IMMP2L: variants seen among roughly 807,000 people sequenced by gnomAD.
The protein encoded by IMMP2L is inner mitochondrial membrane peptidase subunit 2, also known as mitochondrial inner membrane protease subunit 2.
Under a neutral mutation model 19.3 loss-of-function variants are expected in IMMP2L, and 18 were observed. That is an observed-to-expected ratio of 0.93 (90% CI 0.64 to 1.38). The LOEUF (loss-of-function observed/expected upper bound fraction) is 1.38. IMMP2L is among the 40% of genes most tolerant of loss of function. The probability of loss-of-function intolerance (pLI) is 0.00; values close to 1 mark genes in which losing one functional copy is unlikely to be tolerated. For missense variants in IMMP2L, 233 were observed against 218.2 expected, an observed-to-expected ratio of 1.07 and a Z score of -0.43; for synonymous variants, 76 against 73.0, an observed-to-expected ratio of 1.04 and a Z score of -0.21.
At chr7:111,492,316 A>C in intron 2 of IMMP2L, 23 of 783,778 alleles carry the variant, frequency 2.9e-5, no homozygotes, top group South Asian at 5.8e-5. Context: ...CCCCAAATAT[A>C]CTTCCCCTCC....
intron 5 of IMMP2L, among the ~76,000 whole-genome samples, chr7:110,783,017 T>A (rs577765924): frequency 6.6e-6 from 1 of 151,998 alleles, no homozygotes; most frequent in East Asian, 1.9e-4. Context: ...ATTATTATGA[T>A]TTTTCCTGAA....
At chr7:110,949,498 T>C (rs1253012167) in intron 4 of IMMP2L, among the ~76,000 whole-genome samples, 2 of 152,174 alleles carry the variant, frequency 1.3e-5, no homozygotes, top group Non-Finnish European at 2.9e-5. Flanking sequence ...GAAATGAAAG[T>C]AGATAATATA....
At chr7:111,529,109 C>G (rs113202266) in intron 1 of IMMP2L, among the ~76,000 whole-genome samples, 9 of 152,274 alleles carry the variant, frequency 5.9e-5, no homozygotes, top group Admixed American at 2.0e-4. Flanking sequence ...TGTTAAGACA[C>G]CAGATTGACC....
intron 1 of IMMP2L, among the ~76,000 whole-genome samples, chr7:111,523,140 T>C (rs1046521492): frequency 6.6e-5 from 10 of 151,152 alleles, no homozygotes; most frequent in African/African-American, 2.2e-4. Flanking sequence ...GGAGGAGAGG[T>C]TGGGGAGATG....
chr7:111,048,032 G>A (rs1792583006), intron 3 of IMMP2L, among the ~76,000 whole-genome samples: 1 of 151,862 alleles, frequency 6.6e-6, no homozygotes, highest in Non-Finnish European at 1.5e-5. Flanking sequence ...AAGGTCAGAA[G>A]ATTGAGACCA....
Position 111,203,540 on chromosome 7 carries a change from T to C in IMMP2L, c.240-239975A>G, listed in dbSNP as rs74866197. ...AAATAATGTTTGGGAAAGAGTAGCC[T>C]AGGGTAATATTACATTATTATACTG... On this transcript the variant is annotated intron_variant, in intron 3 of 5. Coordinates refer to ENST00000405709, the MANE Select transcript of IMMP2L (RefSeq NM_032549.4). Among the ~76,000 whole-genome samples, 97 of 149,576 alleles carry C rather than the reference T, an allele frequency of 6.5e-4. No individual in the cohort carries two copies. The East Asian group carries it at 0.019, about 29-fold the overall frequency.
intron 4 of IMMP2L, among the ~76,000 whole-genome samples, chr7:110,952,823 T>C (rs1018893333): frequency 2.6e-5 from 4 of 152,144 alleles, no homozygotes; most frequent in South Asian, 2.1e-4. Context: ...ATTTTAGATA[T>C]AGTGAGTTTA....
chr7:110,873,538 C>G (rs12705739), intron 5 of IMMP2L, among the ~76,000 whole-genome samples: 6 of 145,386 alleles, frequency 4.1e-5, no homozygotes, highest in Admixed American at 6.8e-5. Flanking sequence ...CTGAGGCGGG[C>G]GGATTACCTG....
In IMMP2L at chr7:111,458,746, G is replaced by A. The variant is rs145750113; in HGVS notation, c.239+28492C>T. ...CTTCACAGCTCATCTGCTTCCACAA[G>A]ATCAACTAACATTTCCATACTGATG... On this transcript the variant is annotated intron_variant, in intron 3 of 5. Coordinates refer to ENST00000405709, the MANE Select transcript of IMMP2L (RefSeq NM_032549.4). 4.7e-3 allele frequency among the ~76,000 whole-genome samples: 718 copies of A among 152,144 alleles called. 5 individuals carry two copies. Among genetic ancestry groups the A allele is most frequent in the African/African-American group, 0.016 (684 of 41,502 alleles).
chr7:111,089,526 A>C (rs1320058160), intron 3 of IMMP2L, among the ~76,000 whole-genome samples: 4 of 152,130 alleles, frequency 2.6e-5, no homozygotes. Context: ...CTAGATTAAA[A>C]TTAAGGGGTA....
intron 3 of IMMP2L, among the ~76,000 whole-genome samples, chr7:111,479,689 C>T (rs1435660568): frequency 1.3e-5 from 2 of 151,948 alleles, no homozygotes; most frequent in African/African-American, 4.8e-5. Flanking sequence ...TTTGCAAATG[C>T]CGTCTTGTAC....
intron 3 of IMMP2L, among the ~76,000 whole-genome samples, chr7:111,241,711 T>C (rs1001157125): frequency 6.6e-6 from 1 of 150,974 alleles, no homozygotes; most frequent in Non-Finnish European, 1.5e-5. Flanking sequence ...ATATATATAT[T>C]ATATAAGTAT....
chr7:111,329,393 CCT>C (rs1254114881), intron 3 of IMMP2L, among the ~76,000 whole-genome samples: 1 of 151,894 alleles, frequency 6.6e-6, no homozygotes, highest in East Asian at 1.9e-4. Flanking sequence ...GACCTACCTA[CCT>C]CTCTCATGTG....
At chr7:111,354,154 A>G (rs1196811944) in intron 3 of IMMP2L, among the ~76,000 whole-genome samples, 1 of 152,112 alleles carries the variant, frequency 6.6e-6, no homozygotes, top group Non-Finnish European at 1.5e-5. Flanking sequence ...AACCTTATTT[A>G]TAAATATAGG....
intron 3 of IMMP2L, among the ~76,000 whole-genome samples, chr7:111,371,989 T>C (rs749096046): frequency 3.9e-5 from 6 of 152,034 alleles, no homozygotes; most frequent in Non-Finnish European, 8.8e-5. Context: ...ATGGCCACAA[T>C]TTTGGGTAAG....
chr7:111,535,848 T>C (rs571443927), intron 1 of IMMP2L, among the ~76,000 whole-genome samples: 4 of 152,114 alleles, frequency 2.6e-5, no homozygotes, highest in South Asian at 2.1e-4. Flanking sequence ...CAAAACCATA[T>C]AGAAGTAGCA....
chr7:111,418,928 T>C (rs540679648), intron 3 of IMMP2L, among the ~76,000 whole-genome samples: 2 of 151,940 alleles, frequency 1.3e-5, no homozygotes, highest in African/African-American at 4.8e-5. Flanking sequence ...TATTTCATAC[T>C]CTTTATATTT....
chr7:111,034,093 C>T (rs1326168560), intron 3 of IMMP2L, among the ~76,000 whole-genome samples: 1 of 151,850 alleles, frequency 6.6e-6, no homozygotes, highest in Non-Finnish European at 1.5e-5. Context: ...TTGAAATGTA[C>T]ACATAAAATT....
Position 110,883,160 on chromosome 7 carries a change from T to C in IMMP2L, c.408+3433A>G, listed in dbSNP as rs1025968427. On this transcript the variant is annotated intron_variant, in intron 5 of 5. Coordinates refer to ENST00000405709, the MANE Select transcript of IMMP2L (RefSeq NM_032549.4). ...CATGTTTCATACTTTTCTAAAGACA[T>C]AAACTTTACTTTTCTACTTTACTTT... 4.6e-5 allele frequency among the ~76,000 whole-genome samples: 7 copies of C among 152,324 alleles called. No homozygotes were observed. The East Asian group carries it at 1.4e-3, about 29-fold the overall frequency.
Sources: allele counts gnomAD v4.1 joint callset (sites outside exome capture counted in the v4.1 genomes callset), GRCh38; gene constraint gnomAD v4.1.1; transcripts MANE v1.5; gene names NCBI Gene and HGNC (gene_info 2026-07-23, HGNC 2026-07-21).